Variants in B3GLCT observed in about 807,000 individuals in gnomAD.
B3GLCT encodes the protein beta-1,3-glucosyltransferase.
In B3GLCT, 65 loss-of-function variants were observed where a neutral mutation model predicts 63.4. The observed-to-expected ratio is 1.03, with a 90% CI of 0.84 to 1.26. B3GLCT has a LOEUF of 1.26. Ranked by LOEUF, B3GLCT falls within the 50% of genes most tolerant of loss-of-function variation. B3GLCT has a pLI of 0.00. For missense variants in B3GLCT, 577 were observed against 604.8 expected (o/e 0.95, Z 0.48); for synonymous variants, 233 against 219.2 (o/e 1.06, Z -0.55).
chr13:31,217,781 T>C (rs753413024), intron 2 of B3GLCT, among the ~76,000 whole-genome samples: 1 of 152,212 alleles, frequency 6.6e-6, no homozygotes, highest in African/African-American at 2.4e-5. Flanking sequence ...ACCTGTTCCA[T>C]TGGTCTATGT....
intron 6 of B3GLCT, among the ~76,000 whole-genome samples, chr13:31,257,091 C>T (rs942757071): frequency 6.6e-6 from 1 of 151,902 alleles, no homozygotes; most frequent in Non-Finnish European, 1.5e-5. Context: ...TACAGTATAA[C>T]CCACACAAAA....
At chr13:31,326,275 C>CTTTTTTTT (rs11415456) in intron 14 of B3GLCT, among the ~76,000 whole-genome samples, 5 of 75,868 alleles carry the variant, frequency 6.6e-5, no homozygotes, top group South Asian at 6.2e-4. Flanking sequence ...AGGTCTTTCC[C>CTTTTTTTT]TTTTTTTTTT....
intron 12 of B3GLCT, among the ~76,000 whole-genome samples, chr13:31,314,039 G>C (rs765187531): frequency 4.6e-5 from 7 of 152,232 alleles, no homozygotes; most frequent in Non-Finnish European, 1.0e-4. Flanking sequence ...TGTTGAGCCT[G>C]CGGGTACACA....
chr13:31,315,327 G>C (rs1874941206), intron 12 of B3GLCT, among the ~76,000 whole-genome samples: 1 of 152,218 alleles, frequency 6.6e-6, no homozygotes, highest in Non-Finnish European at 1.5e-5. Flanking sequence ...TCCAGGCTGA[G>C]ATGGTTTCAG....
chr13:31,261,214 C>G (rs187312224), intron 7 of B3GLCT, 132 bp downstream of exon 7: 1 of 1,043,832 alleles, frequency 9.6e-7, no homozygotes, highest in Admixed American at 2.5e-5. Flanking sequence ...GTGGTAAGAT[C>G]TGGAAAAGGA....
At chr13:31,238,448 A>G (rs1489080725) in intron 4 of B3GLCT, among the ~76,000 whole-genome samples, 14 of 152,164 alleles carry the variant, frequency 9.2e-5, no homozygotes, top group African/African-American at 3.4e-4. Context: ...TGATAATTTT[A>G]TGTTCTTTCC....
chr13:31,282,525 C>G (rs931129926), intron 10 of B3GLCT, among the ~76,000 whole-genome samples: 1 of 151,866 alleles, frequency 6.6e-6, no homozygotes, highest in African/African-American at 2.4e-5. Context: ...GCCTGTAGTC[C>G]CAGCTACTCA....
chr13:31,223,224 A>G (rs896435197), intron 3 of B3GLCT, among the ~76,000 whole-genome samples: 30 of 152,262 alleles, frequency 2.0e-4, no homozygotes, highest in East Asian at 1.2e-3. Flanking sequence ...GATATGTTGG[A>G]TTTAATTCCC....
intron 4 of B3GLCT, among the ~76,000 whole-genome samples, chr13:31,242,168 C>G (rs184210188): frequency 3.9e-5 from 6 of 152,298 alleles, no homozygotes; most frequent in African/African-American, 1.4e-4. Flanking sequence ...AGCCTATTCT[C>G]TCTGCCTTGC....
intron 13 of B3GLCT, among the ~76,000 whole-genome samples, chr13:31,319,504 A>G (rs990829345): frequency 8.5e-5 from 13 of 152,182 alleles, no homozygotes; most frequent in Admixed American, 5.2e-4. Context: ...CTTTAACACC[A>G]GTGACTGTTG....
chr13:31,221,580 G>C (rs765842820), intron 2 of B3GLCT, among the ~76,000 whole-genome samples: 1 of 152,164 alleles, frequency 6.6e-6, no homozygotes, highest in Non-Finnish European at 1.5e-5. Context: ...CCTCTACTCA[G>C]TGGCATTTCT....
intron 4 of B3GLCT, among the ~76,000 whole-genome samples, chr13:31,244,715 G>C (rs909949480): frequency 6.6e-6 from 1 of 152,032 alleles, no homozygotes; most frequent in Non-Finnish European, 1.5e-5. Flanking sequence ...TATTACATCT[G>C]TTTGGGTCTC....
chr13:31,276,951 T>A (rs1872823361), intron 10 of B3GLCT, among the ~76,000 whole-genome samples, 180 bp downstream of exon 10: 1 of 152,086 alleles, frequency 6.6e-6, no homozygotes, highest in Admixed American at 6.6e-5. Flanking sequence ...CAAGATCAAT[T>A]AGGAAAGAAA....
intron 12 of B3GLCT, among the ~76,000 whole-genome samples, chr13:31,288,319 C>T (rs1401764646): frequency 6.6e-6 from 1 of 152,146 alleles, no homozygotes; most frequent in Admixed American, 6.5e-5. Flanking sequence ...GTTGCTCCAC[C>T]ACCACTACTG....
At position 31,278,991 on chromosome 13, in the gene B3GLCT, C is replaced by A. The variant is rs184156701; in HGVS notation, c.850+2220C>A. Among the ~76,000 whole-genome samples, 9 of 152,186 alleles carry A rather than the reference C, an allele frequency of 5.9e-5. No homozygotes were observed. In the East Asian group the frequency reaches 1.5e-3, roughly 26 times the overall value. On this transcript the variant is annotated intron_variant, in intron 10 of 14. Coordinates refer to ENST00000343307, the MANE Select transcript of B3GLCT (RefSeq NM_194318.4). Reference sequence around the variant, plus strand: ...ACTTGGGTTTTCTGGCTCCTAAGTCCCACATTTTTTTCTACCACAGCACAG... The same window carrying A: ...ACTTGGGTTTTCTGGCTCCTAAGTCACACATTTTTTTCTACCACAGCACAG...
chr13:31,261,990 G>A (rs762475357), intron 7 of B3GLCT, among the ~76,000 whole-genome samples: 2 of 152,168 alleles, frequency 1.3e-5, no homozygotes, highest in African/African-American at 2.4e-5. Context: ...GGAAGCAGCC[G>A]TATGTTGTAG....
intron 11 of B3GLCT, 23 bp downstream of exon 11, chr13:31,284,784 C>A (rs193177521): frequency 2.3e-5 from 28 of 1,216,902 alleles, no homozygotes; most frequent in Admixed American, 1.0e-4. Context: ...TCTTACTACT[C>A]TCCTTATTAA....
At chr13:31,218,862 G>A (rs1238087492) in intron 2 of B3GLCT, among the ~76,000 whole-genome samples, 2 of 151,122 alleles carry the variant, frequency 1.3e-5, no homozygotes, top group African/African-American at 4.9e-5. Flanking sequence ...ATTTTGAGGT[G>A]TGTACCTTTG....
chr13:31,211,109 T>A (rs1416209384), intron 1 of B3GLCT, among the ~76,000 whole-genome samples: 1 of 152,104 alleles, frequency 6.6e-6, no homozygotes, highest in East Asian at 1.9e-4. Flanking sequence ...TAAAACCAAC[T>A]GGCAGCCGGG....
Sources: allele counts gnomAD v4.1 joint callset (sites outside exome capture counted in the v4.1 genomes callset), GRCh38; gene constraint gnomAD v4.1.1; transcripts MANE v1.5; gene names NCBI Gene and HGNC (gene_info 2026-07-23, HGNC 2026-07-21).